Variants in UCHL5 observed in about 807,000 individuals in gnomAD.
UCHL5 encodes ubiquitin carboxyl-terminal hydrolase isozyme L5.
A neutral mutation model predicts 53.8 loss-of-function variants in UCHL5; 34 were observed. The ratio of observed to expected loss-of-function variants is 0.63; its 90% confidence interval spans 0.48 to 0.84. The LOEUF is 0.84. Ranked by LOEUF, UCHL5 falls within the 40% of genes least tolerant of loss-of-function variation. UCHL5 has a pLI of 0.00. For synonymous variants in UCHL5, 111 were observed against 126.3 expected, an observed-to-expected ratio of 0.88 and a Z score of 0.81; for missense variants, 290 against 385.6, an observed-to-expected ratio of 0.75 and a Z score of 2.08.
At chr1:193,057,734 T>C (rs1348851435) in intron 1 of UCHL5, among the ~76,000 whole-genome samples, 2 of 152,404 alleles carry the variant, frequency 1.3e-5, no homozygotes, top group South Asian at 2.1e-4. Flanking sequence ...TGCTATATTA[T>C]GTTCTAGTCA....
rs981102189 is a variant in UCHL5 at position 193,015,519 on chromosome 1, A to G, written c.*832T>C. ...CGAAATTTATTCAAATTGGCATAGAAAGACCCCCATCACCACTACCATCTT... is the reference window on the plus strand; with the variant it reads ...CGAAATTTATTCAAATTGGCATAGAGAGACCCCCATCACCACTACCATCTT... On this transcript the variant is annotated 3_prime_UTR_variant, in exon 11 of 11. Transcript: ENST00000367454. The G allele has an allele frequency of 6.6e-6, 1 of 152,010 alleles. No homozygotes were observed. Among genetic ancestry groups the G allele is most frequent in the Non-Finnish European group, 1.5e-5 (1 of 67,916 alleles). The allele number at this position is 152,010 out of a possible 1,614,324, so 9.4% of individuals were successfully genotyped here. A position where few individuals can be genotyped will look rare whatever the true frequency, so the allele number is the denominator to read the frequency against.
At chr1:193,018,701 T>C in intron 10 of UCHL5, 1 of 1,352,462 alleles carries the variant, frequency 7.4e-7, no homozygotes, top group South Asian at 2.0e-5. Flanking sequence ...CTGCCTCAGC[T>C]ATTCAAAAAT....
At chr1:193,036,727 T>C (rs1001180595) in intron 3 of UCHL5, among the ~76,000 whole-genome samples, 2 of 152,062 alleles carry the variant, frequency 1.3e-5, no homozygotes, top group Admixed American at 6.5e-5. Flanking sequence ...ACACCGAGGA[T>C]AGACCATGTT....
rs1423655645 is a variant in UCHL5, at chr1:193,023,885, AT to A, written c.690del (p.Tyr231MetfsTer5). ...TGTAACTCTGCTATCTTCTGCTCAT[AT>A]ATCATTTTTCTGTCAGACACAATGG... ...LMAIVSDRKMIYEQKIAELQR... is the reference protein window; with the variant it reads ...LMAIVSDRKMXYEQKIAELQR... On this transcript the variant is annotated frameshift_variant, in exon 8 of 11. Transcript: ENST00000367454. LOFTEE classifies it high-confidence loss of function. The A allele has an allele frequency of 6.2e-7, 1 of 1,613,244 alleles. No individual in the cohort carries two copies. Among genetic ancestry groups the A allele is most frequent in the South Asian group, 1.1e-5 (1 of 90,952 alleles).
chr1:193,046,665 T>G (rs1667422712), intron 3 of UCHL5, among the ~76,000 whole-genome samples: 1 of 147,512 alleles, frequency 6.8e-6, no homozygotes, highest in African/African-American at 2.5e-5. Context: ...ATTTATATAT[T>G]TATAGAATAT....
At chr1:193,035,133 C>A (rs1662889697) in intron 3 of UCHL5, among the ~76,000 whole-genome samples, 1 of 151,144 alleles carries the variant, frequency 6.6e-6, no homozygotes, top group African/African-American at 2.4e-5. Context: ...AAAAACACAC[C>A]CACTCAAGAA....
At chr1:193,058,692 GT>G (rs922215689) in intron 1 of UCHL5, among the ~76,000 whole-genome samples, 2 of 152,240 alleles carry the variant, frequency 1.3e-5, no homozygotes, top group Non-Finnish European at 2.9e-5. Flanking sequence ...CATTCAAGGC[GT>G]TCTGCTTTGA....
At chr1:193,033,289 A>C (rs536605561) in intron 3 of UCHL5, among the ~76,000 whole-genome samples, 82 of 152,174 alleles carry the variant, frequency 5.4e-4, no homozygotes, top group Non-Finnish European at 1.5e-5. Flanking sequence ...AGAAAACCAA[A>C]CACCACATGT....
In UCHL5 at chr1:193,021,139, C is replaced by CT. The variant is rs1307461228; in HGVS notation, c.899dup (p.Thr301AspfsTer95). ...TTAACTGCTGGTGTTCTGCTAAAGT[C>CT]TTTAACAATTCCATAATGAAAGGCA... is the stretch of plus-strand genomic sequence containing the variant. On this transcript the variant is annotated frameshift_variant, in exon 10 of 11. Coordinates refer to ENST00000367454, the MANE Select transcript of UCHL5 (RefSeq NM_001199261.3). LOFTEE classifies it high-confidence loss of function. 1 of 1,610,690 alleles carries CT rather than the reference C, an allele frequency of 6.2e-7. No homozygotes were observed. The highest frequency in any genetic ancestry group is 1.1e-5 in the South Asian group (1 of 90,984).
intron 3 of UCHL5, among the ~76,000 whole-genome samples, chr1:193,048,066 T>C (rs563532274): frequency 6.6e-6 from 1 of 152,306 alleles, no homozygotes; most frequent in African/African-American, 2.4e-5. Context: ...TACCAAGATA[T>C]GCTAGTTATC....
chr1:193,026,807 T>C (rs184206380), intron 7 of UCHL5, among the ~76,000 whole-genome samples: 2 of 152,274 alleles, frequency 1.3e-5, no homozygotes, highest in East Asian at 3.9e-4. Context: ...AAAACGTTTA[T>C]TGTAGCTTTA....
chr1:193,014,485 T>C lies in UCHL5; in HGVS notation c.*1866A>G, dbSNP rs747501166. On this transcript the variant is annotated 3_prime_UTR_variant, in exon 11 of 11. Coordinates refer to ENST00000367454, the MANE Select transcript of UCHL5 (RefSeq NM_001199261.3). The stretch of plus-strand genomic sequence containing the variant: ...ATGAGCTCTAATTTTGGATCTTTTA[T>C]GGTTACTGCTTTCTGTGACCTAAGA... 3.3e-5 allele frequency: 5 copies of C among 152,194 alleles called. No homozygotes were observed. Among genetic ancestry groups the C allele is most frequent in the East Asian group, 3.8e-4 (2 of 5,208 alleles). The allele number at this position is 152,194 out of a possible 1,614,324, so 9.4% of individuals were successfully genotyped here. A position where few individuals can be genotyped will look rare whatever the true frequency, so the allele number is the denominator to read the frequency against.
intron 3 of UCHL5, among the ~76,000 whole-genome samples, chr1:193,047,172 T>C (rs1295022388): frequency 6.6e-6 from 1 of 152,180 alleles, no homozygotes; most frequent in Non-Finnish European, 1.5e-5. Flanking sequence ...CTATTATTAT[T>C]ATTATAGTTG....
Position 193,012,645 on chromosome 1 carries a change from T to A in UCHL5, c.*3706A>T, listed in dbSNP as rs991307910. The A allele has an allele frequency of 1.5e-4, 23 of 152,336 alleles. No homozygotes were observed. The highest frequency in any genetic ancestry group is 5.5e-4 in the African/African-American group (23 of 41,580). 9.4% of individuals were successfully genotyped at this position (152,336 alleles called of 1,614,324 possible). On this transcript the variant is annotated 3_prime_UTR_variant, in exon 11 of 11. Coordinates refer to ENST00000367454, the MANE Select transcript of UCHL5 (RefSeq NM_001199261.3). ...GGTCTCTACTTAAAGTACATCTCAT[T>A]AATGGGATCTTCCATGACCATTCTA...
intron 3 of UCHL5, among the ~76,000 whole-genome samples, chr1:193,032,969 C>T (rs529657604): frequency 6.6e-6 from 1 of 152,312 alleles, no homozygotes; most frequent in Admixed American, 6.5e-5. Context: ...GACAGTGTGG[C>T]AATTCCTCAA....
chr1:193,032,360 A>G (rs914930112), intron 3 of UCHL5, among the ~76,000 whole-genome samples: 5 of 152,134 alleles, frequency 3.3e-5, no homozygotes, highest in African/African-American at 1.2e-4. Context: ...TCCTTACACC[A>G]TATATAAAAA....
At chr1:193,059,980 C>T, upstream of UCHL5, 1 of 1,366,336 alleles carries the variant, frequency 7.3e-7, no homozygotes, top group Non-Finnish European at 9.8e-7. The surrounding 1 kb of genome is among the most constrained non-coding windows in gnomAD (Gnocchi z 4.9). Flanking sequence ...GACATCCTCG[C>T]TAGGCCCGGC....
At chr1:193,044,612 C>T (rs920316460) in intron 3 of UCHL5, among the ~76,000 whole-genome samples, 3 of 152,054 alleles carry the variant, frequency 2.0e-5, no homozygotes, top group Non-Finnish European at 4.4e-5. Context: ...AGTGTTACCT[C>T]TCTATATTGA....
Position 193,014,874 on chromosome 1 carries a change from C to G in UCHL5, c.*1477G>C, listed in dbSNP as rs1351154362. 1 of 152,004 alleles carries G rather than the reference C, an allele frequency of 6.6e-6. No individual in the cohort carries two copies. The highest frequency in any genetic ancestry group is 6.6e-5 in the Admixed American group (1 of 15,244). The allele number at this position is 152,004 out of a possible 1,614,324, so 9.4% of individuals were successfully genotyped here. A position where few individuals can be genotyped will look rare whatever the true frequency, so the allele number is the denominator to read the frequency against. ...ACTTACCACAATAATCCTCACATTGCTTAACAAAATTTAAGCCTCAATAGG... is the reference window on the plus strand; with the variant it reads ...ACTTACCACAATAATCCTCACATTGGTTAACAAAATTTAAGCCTCAATAGG... On this transcript the variant is annotated 3_prime_UTR_variant, in exon 11 of 11. Coordinates refer to ENST00000367454, the MANE Select transcript of UCHL5 (RefSeq NM_001199261.3).
Sources: gnomAD v4.1 joint callset for allele counts (sites outside exome capture counted in the v4.1 genomes callset) on GRCh38, gnomAD v4.1.1 for gene constraint, Gnocchi (gnomAD v3.1) non-coding constraint, MANE v1.5 for transcripts, NCBI Gene and HGNC (gene_info 2026-07-23, HGNC 2026-07-21) for gene names.